TLN2: variants seen among roughly 807,000 people sequenced by gnomAD.
TLN2 encodes talin 2, also known as talin-2.
TLN2 carries 118 observed loss-of-function variants against 294.7 expected under a neutral mutation model. The observed-to-expected ratio is 0.40, with a 90% CI of 0.34 to 0.47. The LOEUF (loss-of-function observed/expected upper bound fraction) is 0.47. Ranked by LOEUF, TLN2 falls within the 20% of genes least tolerant of loss-of-function variation. The probability of loss-of-function intolerance (pLI) is 0.84; values close to 1 mark genes in which losing one functional copy is unlikely to be tolerated. For synonymous variants in TLN2, 1,431 were observed against 1,304.5 expected (o/e 1.10, Z -2.09); for missense variants, 3,083 against 3,282.2 (o/e 0.94, Z 1.48).
intron 22 of TLN2, among the ~76,000 whole-genome samples, chr15:62,715,394 C>G (rs2059701079): frequency 6.6e-6 from 1 of 152,218 alleles, no homozygotes; most frequent in Non-Finnish European, 1.5e-5. Flanking sequence ...ACATCAAGCA[C>G]ATGTTACAAA....
chr15:62,781,843 T>C (rs1341765082), intron 44 of TLN2, among the ~76,000 whole-genome samples: 2 of 152,218 alleles, frequency 1.3e-5, no homozygotes, highest in African/African-American at 2.4e-5. Flanking sequence ...TGTTTGTTTG[T>C]TTTTCTAAAA....
At chr15:62,823,567 AAG>A (rs2067765581) in intron 54 of TLN2, among the ~76,000 whole-genome samples, 2 of 152,312 alleles carry the variant, frequency 1.3e-5, no homozygotes, top group South Asian at 4.2e-4. Flanking sequence ...TGCTTTCAGG[AAG>A]AGTTTGGGGA....
At chr15:62,623,636 T>C (rs1331575843) in intron 3 of TLN2, among the ~76,000 whole-genome samples, 45 of 152,254 alleles carry the variant, frequency 3.0e-4, no homozygotes, top group Admixed American at 2.9e-3. Context: ...CTGGAATTAC[T>C]GTTAACATTT....
intron 26 of TLN2, 72 bp from the exon 27 acceptor site, chr15:62,724,904 A>G: frequency 6.5e-7 from 1 of 1,533,196 alleles, no homozygotes; most frequent in South Asian, 1.3e-5. Context: ...AGGGCATTTT[A>G]TAAGTTGCAA....
chr15:62,440,631 A>C (rs2439713), intron 1 of TLN2, among the ~76,000 whole-genome samples: 140,333 of 152,230 alleles, frequency 0.92, 65,514 homozygotes, highest in East Asian at 1. Flanking sequence ...CTGTTCTCTT[A>C]TACCCCTATC....
chr15:62,577,385 G>C (rs1030491766), intron 1 of TLN2, among the ~76,000 whole-genome samples: 1 of 152,096 alleles, frequency 6.6e-6, no homozygotes, highest in African/African-American at 2.4e-5. Context: ...CGGAGGTTGT[G>C]GTGAGCCGAG....
chr15:62,623,511 T>G (rs764895788), intron 3 of TLN2, among the ~76,000 whole-genome samples: 7 of 152,232 alleles, frequency 4.6e-5, no homozygotes, highest in Non-Finnish European at 8.8e-5. Context: ...GTGGTTCTTA[T>G]ATGAAATCCT....
intron 1 of TLN2, among the ~76,000 whole-genome samples, chr15:62,554,457 C>T (rs372289715): frequency 2.6e-4 from 40 of 151,200 alleles, no homozygotes; most frequent in African/African-American, 9.3e-4. Context: ...ACAATGAAAA[C>T]GCTACTGGGA....
At position 62,457,645 on chromosome 15, in the gene TLN2, G is replaced by A. The variant is rs182663681; in HGVS notation, c.-238+66960G>A. On this transcript the variant is annotated intron_variant, in intron 1 of 58. Coordinates refer to ENST00000636159, the MANE Select transcript of TLN2 (RefSeq NM_015059.3). ...GGCGAGGCAGGGAGCTGGCTGGTTT[G>A]TGTCGGGGTTTTCCACATGTCTAGA... 2.9e-3 allele frequency among the ~76,000 whole-genome samples: 441 copies of A among 152,336 alleles called. 2 individuals carry two copies. Among genetic ancestry groups the A allele is most frequent in the African/African-American group, 0.01 (425 of 41,584 alleles).
intron 40 of TLN2, 62 bp from the exon 41 acceptor site, chr15:62,766,259 G>C (rs2062996731): frequency 6.9e-7 from 1 of 1,442,744 alleles, no homozygotes; most frequent in Non-Finnish European, 9.6e-7. Flanking sequence ...GGGCCTTTTT[G>C]AATCAGTGCA....
intron 11 of TLN2, among the ~76,000 whole-genome samples, chr15:62,684,991 A>AGT (rs2057160800): frequency 2.0e-5 from 3 of 151,402 alleles, no homozygotes; most frequent in African/African-American, 7.3e-5. Context: ...TGAGAATAGC[A>AGT]GTTTAGGTGT....
intron 28 of TLN2, 137 bp from the exon 29 acceptor site, chr15:62,736,741 C>G (rs1378470815): frequency 1.0e-6 from 1 of 955,238 alleles, no homozygotes; most frequent in Non-Finnish European, 1.5e-6. Flanking sequence ...CTTTGAGAAA[C>G]ACAGCAATTC....
intron 1 of TLN2, among the ~76,000 whole-genome samples, chr15:62,515,421 A>G (rs1567048172): frequency 6.6e-6 from 1 of 152,228 alleles, no homozygotes; most frequent in Non-Finnish European, 1.5e-5. Context: ...AGAGCCAGCA[A>G]GTTGTGGTCT....
intron 1 of TLN2, among the ~76,000 whole-genome samples, chr15:62,458,750 C>T (rs190527246): frequency 1.3e-5 from 2 of 152,130 alleles, no homozygotes; most frequent in South Asian, 2.1e-4. Context: ...ACCTGGGCAA[C>T]ATAACGAGAC....
chr15:62,680,010 GTTCT>G (rs1378000833), intron 11 of TLN2, among the ~76,000 whole-genome samples: 4 of 152,094 alleles, frequency 2.6e-5, no homozygotes, highest in Non-Finnish European at 4.4e-5. Flanking sequence ...CTATTTCTGG[GTTCT>G]TTATTTTGTT....
intron 51 of TLN2, among the ~76,000 whole-genome samples, chr15:62,806,450 C>G (rs1156851085): frequency 2.0e-5 from 3 of 152,196 alleles, no homozygotes; most frequent in African/African-American, 7.2e-5. Context: ...TTCCGCTGGA[C>G]CCTTGTTTAC....
chr15:62,721,242 T>C (rs1245011179), intron 25 of TLN2, among the ~76,000 whole-genome samples: 1 of 152,216 alleles, frequency 6.6e-6, no homozygotes, highest in Non-Finnish European at 1.5e-5. Flanking sequence ...ACATTGCTCT[T>C]CCAGGAGGTT....
chr15:62,691,218 C>T (rs988725065), intron 12 of TLN2, among the ~76,000 whole-genome samples: 1 of 152,194 alleles, frequency 6.6e-6, no homozygotes, highest in African/African-American at 2.4e-5. Flanking sequence ...TCCTGTTACT[C>T]TGATGATATT....
chr15:62,819,630 G>C lies in TLN2; in HGVS notation c.6877+9G>C. Reference sequence around the variant, plus strand: ...GGCGGAAGCCATGAAAGGTAGGCTGGATTCTCACGTCTTGGTGGAGGGCAA... The same window carrying C: ...GGCGGAAGCCATGAAAGGTAGGCTGCATTCTCACGTCTTGGTGGAGGGCAA... On this transcript the variant is annotated intron_variant, in intron 53 of 58. Coordinates refer to ENST00000636159, the MANE Select transcript of TLN2 (RefSeq NM_015059.3). 1 of 1,607,140 alleles carries C rather than the reference G, an allele frequency of 6.2e-7. No homozygotes were observed.
Sources: gnomAD v4.1 joint callset for allele counts (sites outside exome capture counted in the v4.1 genomes callset) on GRCh38, gnomAD v4.1.1 for gene constraint, MANE v1.5 for transcripts, NCBI Gene and HGNC (gene_info 2026-07-23, HGNC 2026-07-21) for gene names.